Variants in JADE1 observed in about 807,000 individuals in gnomAD.
JADE1 encodes the protein protein Jade-1.
In JADE1, 14 loss-of-function variants were observed where a neutral mutation model predicts 81.8. The ratio of observed to expected loss-of-function variants is 0.17; its 90% CI spans 0.11 to 0.27. The LOEUF (loss-of-function observed/expected upper bound fraction) is 0.27. Ranked by LOEUF, JADE1 falls within the 10% of genes least tolerant of loss-of-function variation. JADE1 has a pLI of 1.00. For synonymous variants in JADE1, 353 were observed against 391.9 expected (o/e 0.90, Z 1.17); for missense variants, 690 against 1,047.9 (o/e 0.66, Z 4.71).
At chr4:128,868,014 GT>G in intron 10 of JADE1, 41 bp downstream of exon 10, 1 of 1,065,718 alleles carries the variant, frequency 9.4e-7, no homozygotes, top group Non-Finnish European at 1.4e-6. Flanking sequence ...TAGGGCAGGG[GT>G]TTGTAAGCTT....
At chr4:128,816,589 G>T (rs1404222260) in intron 1 of JADE1, 1 of 152,104 alleles carries the variant, frequency 6.6e-6, no homozygotes, top group Admixed American at 6.5e-5. Flanking sequence ...TCACCTCAAA[G>T]CACAAACATA....
At chr4:128,817,010 C>T (rs1369905377) in intron 1 of JADE1, among the ~76,000 whole-genome samples, 1 of 151,686 alleles carries the variant, frequency 6.6e-6, no homozygotes, top group Non-Finnish European at 1.5e-5. Context: ...AGGCGCATGC[C>T]GCCGTGTCTG....
chr4:128,857,249 A>G (rs1326330759), intron 7 of JADE1, 89 bp from the exon 8 acceptor site: 3 of 992,354 alleles, frequency 3.0e-6, no homozygotes, highest in East Asian at 4.8e-5. Context: ...GGAGAGATGT[A>G]GGAAAGTAAT....
chr4:128,816,962 G>A (rs906348728), intron 1 of JADE1, among the ~76,000 whole-genome samples: 7 of 150,492 alleles, frequency 4.7e-5, no homozygotes, highest in African/African-American at 1.7e-4. Context: ...CACTGCAGTG[G>A]GTTCAAGTGA....
rs869238548 is a variant in JADE1, at chr4:128,820,118, C to CTTTTTTT, written c.-27+10246_-27+10252dup. Among the ~76,000 whole-genome samples the CTTTTTTT allele has an allele frequency of 4.2e-3, 204 of 48,480 alleles. 3 individuals carry two copies. The East Asian group carries it at 0.068, about 16-fold the overall frequency. The allele number at this position is 48,480 out of a possible 152,430, so 31.8% of individuals were successfully genotyped here. A position where few individuals can be genotyped will look rare whatever the true frequency, so the allele number is the denominator to read the frequency against. ...TTATGGGTTTCTTTTGGGAAGATTTCTTTTTTTTTTTGAGATGGAGTCTTG... is the reference window on the plus strand; with the variant it reads ...TTATGGGTTTCTTTTGGGAAGATTTCTTTTTTTTTTTTTTTTTTGAGATGGAGTCTTG... On this transcript the variant is annotated intron_variant, in intron 1 of 10. Transcript: ENST00000226319.
chr4:128,822,240 G>A (rs924812753), intron 1 of JADE1, among the ~76,000 whole-genome samples: 2 of 152,084 alleles, frequency 1.3e-5, no homozygotes, highest in East Asian at 1.9e-4. Context: ...GGTGGTGTGC[G>A]CCTCTAGTCC....
intron 1 of JADE1, among the ~76,000 whole-genome samples, chr4:128,825,762 T>C (rs1204976441): frequency 2.0e-5 from 3 of 152,228 alleles, no homozygotes; most frequent in Non-Finnish European, 4.4e-5. Context: ...TTATGTTAGC[T>C]AATGTACTGC....
rs1265139604 is a variant in JADE1, at chr4:128,809,724, C to T, written c.-180C>T. 1.3e-5 allele frequency: 2 copies of T among 152,288 alleles called. No homozygotes were observed. The highest frequency in any genetic ancestry group is 2.9e-5 in the Non-Finnish European group (2 of 68,160). 9.4% of individuals were successfully genotyped at this position (152,288 alleles called of 1,614,324 possible). On this transcript the variant is annotated 5_prime_UTR_variant, in exon 1 of 11. Transcript: ENST00000226319. Reference sequence around the variant, plus strand: ...CCTCCATAACAAGCCAAACGCCAGACCGAGAGTGCCTCCGTGCGCGAGTGC... The same window carrying T: ...CCTCCATAACAAGCCAAACGCCAGATCGAGAGTGCCTCCGTGCGCGAGTGC...
chr4:128,873,255 GGAAAAAAAAAAAAAAAA>G lies in JADE1; in HGVS notation c.*1002_*1018del, dbSNP rs1225839762. On this transcript the variant is annotated 3_prime_UTR_variant, in exon 11 of 11. Coordinates refer to ENST00000226319, the MANE Select transcript of JADE1 (RefSeq NM_199320.4). Reference sequence around the variant, plus strand: ...ACATGAATGGATTCCTTAAGAAAAAGGAAAAAAAAAAAAAAAAGAAAAAAAGAAAAAAAAAAGAAAAA... The same window carrying G: ...ACATGAATGGATTCCTTAAGAAAAAGGAAAAAAAGAAAAAAAAAAGAAAAA... 2 of 22,224 alleles carry G rather than the reference GGAAAAAAAAAAAAAAAA, an allele frequency of 9.0e-5. No individual in the cohort carries two copies. Among genetic ancestry groups the G allele is most frequent in the African/African-American group, 3.6e-4 (2 of 5,576 alleles). 1.4% of individuals were successfully genotyped at this position (22,224 alleles called of 1,614,324 possible).
At chr4:128,867,685 C>G (rs1462391934) in intron 9 of JADE1, among the ~76,000 whole-genome samples, 171 bp from the exon 10 acceptor site, 2 of 152,188 alleles carry the variant, frequency 1.3e-5, no homozygotes, top group Non-Finnish European at 2.9e-5. Flanking sequence ...TCCTTCTTAT[C>G]TGCCCAAAAG....
chr4:128,816,968 A>G (rs1364125525), intron 1 of JADE1, among the ~76,000 whole-genome samples: 1 of 151,034 alleles, frequency 6.6e-6, no homozygotes, highest in African/African-American at 2.5e-5. Context: ...AGTGGGTTCA[A>G]GTGAGTCAGC....
chr4:128,852,716 G>A (rs1730458246), intron 6 of JADE1, among the ~76,000 whole-genome samples: 1 of 152,310 alleles, frequency 6.6e-6, no homozygotes, highest in Admixed American at 6.5e-5. Context: ...CAACAAAAAT[G>A]TATTGTCTTG....
Position 128,846,576 on chromosome 4 carries a change from T to C in JADE1, c.296+44T>C. On this transcript the variant is annotated intron_variant, in intron 4 of 10. Coordinates refer to ENST00000226319, the MANE Select transcript of JADE1 (RefSeq NM_199320.4). The surrounding 1 kb of genome is among the most constrained non-coding windows in gnomAD (Gnocchi z 4.0). ...CAGAAGCCTCTCCACCCACCCTTGC[T>C]CTTCTTCCCTGACAGCAGGCATCTG... 6.2e-7 allele frequency: 1 copy of C among 1,600,370 alleles called. No homozygotes were observed. Among genetic ancestry groups the C allele is most frequent in the Non-Finnish European group, 8.5e-7 (1 of 1,171,366 alleles).
At chr4:128,822,079 T>A (rs1303599077) in intron 1 of JADE1, among the ~76,000 whole-genome samples, 1 of 152,218 alleles carries the variant, frequency 6.6e-6, no homozygotes, top group African/African-American at 2.4e-5. Context: ...TGATACTGCA[T>A]CTCAGGAAAG....
At chr4:128,833,758 A>G (rs761494811) in intron 2 of JADE1, among the ~76,000 whole-genome samples, 1 of 152,196 alleles carries the variant, frequency 6.6e-6, no homozygotes, top group Non-Finnish European at 1.5e-5. Flanking sequence ...TTACCTCCAT[A>G]TAAAGATAAT....
intron 1 of JADE1, among the ~76,000 whole-genome samples, chr4:128,822,172 A>G (rs912469173): frequency 1.3e-5 from 2 of 152,206 alleles, no homozygotes; most frequent in African/African-American, 4.8e-5. Flanking sequence ...TTGTGCTTCC[A>G]GGTCTTTTAT....
At chr4:128,817,110 C>T (rs1464739864) in intron 1 of JADE1, among the ~76,000 whole-genome samples, 1 of 152,088 alleles carries the variant, frequency 6.6e-6, no homozygotes, top group Non-Finnish European at 1.5e-5. Context: ...CCACCTACCT[C>T]GGCCTCCCAA....
At chr4:128,852,382 G>A (rs1560762347) in intron 6 of JADE1, 114 bp downstream of exon 6, 4 of 795,152 alleles carry the variant, frequency 5.0e-6, no homozygotes, top group South Asian at 1.7e-5. Flanking sequence ...GTGTTTCTAC[G>A]ATTTAAAGAA....
In JADE1 at chr4:128,871,520, A is replaced by G; in HGVS notation, c.1787A>G (p.Lys596Arg). The change falls in exon 11 of 11, where the codon AAG (lysine) becomes AGG (arginine). Residue 596 changes from lysine (K) to arginine (R), a missense_variant. Physicochemically the swap from Lys to Arg is conservative, Grantham distance 26. Coordinates refer to ENST00000226319, the MANE Select transcript of JADE1 (RefSeq NM_199320.4). The surrounding 1 kb of genome is among the most constrained non-coding windows in gnomAD (Gnocchi z 4.1). ...GTTCATTCGCTGAAAAAGCCCCATA[A>G]GCGAGATCCTTTGCAGAATAGCCCT... ...SLVHSLKKPH[K>R]RDPLQNSPGS... The G allele has an allele frequency of 6.2e-7, 1 of 1,614,202 alleles. No homozygotes were observed. The highest frequency in any genetic ancestry group is 2.2e-5 in the East Asian group (1 of 44,876).
Sources: allele counts gnomAD v4.1 joint callset (sites outside exome capture counted in the v4.1 genomes callset), GRCh38; gene constraint gnomAD v4.1.1; non-coding constraint Gnocchi (gnomAD v3.1); transcripts MANE v1.5; gene names NCBI Gene and HGNC (gene_info 2026-07-23, HGNC 2026-07-21).